NTNG2: variants seen among roughly 807,000 people sequenced by gnomAD.
NTNG2 encodes the protein netrin G2, also known as netrin-G2.
Under a neutral mutation model 47.6 loss-of-function variants are expected in NTNG2, and 15 were observed. The ratio of observed to expected loss-of-function variants is 0.32; its 90% CI spans 0.21 to 0.49. NTNG2 has a LOEUF of 0.49. NTNG2 is among the 20% of genes least tolerant of loss of function. The pLI is 0.99. For synonymous variants in NTNG2, 307 were observed against 324.6 expected (o/e 0.95, Z 0.58); for missense variants, 578 against 764.6 (o/e 0.76, Z 2.88).
intron 2 of NTNG2, among the ~76,000 whole-genome samples, chr9:132,194,284 G>A (rs1372290290): frequency 1.3e-5 from 2 of 152,128 alleles, no homozygotes; most frequent in Admixed American, 1.3e-4. Context: ...CCTCCCGAGC[G>A]GCACAGACAG....
intron 4 of NTNG2, among the ~76,000 whole-genome samples, chr9:132,228,025 C>T (rs1026170467): frequency 1.3e-5 from 2 of 152,218 alleles, no homozygotes; most frequent in African/African-American, 4.8e-5. Context: ...GGTCCCTTCT[C>T]CAGATGAGCA....
intron 2 of NTNG2, among the ~76,000 whole-genome samples, chr9:132,186,856 G>A (rs1454678887): frequency 6.6e-6 from 1 of 152,250 alleles, no homozygotes; most frequent in African/African-American, 2.4e-5. Context: ...GTCATATACC[G>A]CTGTGTGCAA....
In NTNG2 at chr9:132,242,180, T is replaced by A. The variant is rs1044118842; in HGVS notation, c.*69T>A. On this transcript the variant is annotated 3_prime_UTR_variant, in exon 8 of 8. Transcript: ENST00000393229. This position sits in a 1 kb window ranked among gnomAD's most constrained non-coding sequence, Gnocchi z 5.9. ...CCGGGGTCCCGGGGCGGGGCCGGCG[T>A]CCGAGGCCGGGCGGTGAGAAGGGTG... is the stretch of plus-strand genomic sequence containing the variant. 180 of 774,826 alleles carry A rather than the reference T, an allele frequency of 2.3e-4. 2 individuals carry two copies. The African/African-American group carries it at 2.5e-3, about 11-fold the overall frequency. The allele number at this position is 774,826 out of a possible 1,614,324, so 48.0% of individuals were successfully genotyped here.
At chr9:132,222,743 C>T (rs963622761) in intron 3 of NTNG2, among the ~76,000 whole-genome samples, 2 of 152,164 alleles carry the variant, frequency 1.3e-5, no homozygotes, top group South Asian at 2.1e-4. Flanking sequence ...GGAGGAAAGG[C>T]GTCAGCTCAG....
At position 132,215,034 on chromosome 9, in the gene NTNG2, G is replaced by T. The variant is rs1367618515; in HGVS notation, c.858-11815G>T. ...TAAGATGACAGGTGCTCACCACCATGCCCTGATAAATTTTGTGTTTTTTTT... is the reference window on the plus strand; with the variant it reads ...TAAGATGACAGGTGCTCACCACCATTCCCTGATAAATTTTGTGTTTTTTTT... On this transcript the variant is annotated intron_variant, in intron 3 of 7. Coordinates refer to ENST00000393229, the MANE Select transcript of NTNG2 (RefSeq NM_032536.4). This position sits in a 1 kb window ranked among gnomAD's most constrained non-coding sequence, Gnocchi z 4.2. 6.8e-6 allele frequency among the ~76,000 whole-genome samples: 1 copy of T among 147,232 alleles called. No homozygotes were observed. The highest frequency in any genetic ancestry group is 2.5e-5 in the African/African-American group (1 of 39,814).
At chr9:132,166,120 T>A (rs920716214) in intron 1 of NTNG2, 2 of 152,468 alleles carry the variant, frequency 1.3e-5, no homozygotes, top group Non-Finnish European at 2.9e-5. Context: ...CAAGGTCAGC[T>A]GGGCCCCATT....
Position 132,237,947 on chromosome 9 carries a change from A to T in NTNG2, c.1055-1157A>T, listed in dbSNP as rs912783051. 2.6e-5 allele frequency among the ~76,000 whole-genome samples: 4 copies of T among 152,298 alleles called. No individual in the cohort carries two copies. In the Middle Eastern group the frequency reaches 0.01, roughly 389 times the overall value. On this transcript the variant is annotated intron_variant, in intron 5 of 7. Coordinates refer to ENST00000393229, the MANE Select transcript of NTNG2 (RefSeq NM_032536.4). Reference sequence around the variant, plus strand: ...AAGGGGGCAGGACTAGGTGGCCCACAGGTGGGAGTGCCCACCATCTCTCCT... The same window carrying T: ...AAGGGGGCAGGACTAGGTGGCCCACTGGTGGGAGTGCCCACCATCTCTCCT...
intron 2 of NTNG2, among the ~76,000 whole-genome samples, chr9:132,195,111 T>A (rs929134068): frequency 6.6e-6 from 1 of 152,244 alleles, no homozygotes; most frequent in African/African-American, 2.4e-5. Context: ...TTCTCTTTCT[T>A]TCTTTCTTTC....
intron 3 of NTNG2, among the ~76,000 whole-genome samples, chr9:132,216,632 C>T (rs1840015895): frequency 6.6e-6 from 1 of 152,084 alleles, no homozygotes; most frequent in Non-Finnish European, 1.5e-5. Context: ...ATCATCCTTT[C>T]TGATGGATGA....
intron 3 of NTNG2, among the ~76,000 whole-genome samples, chr9:132,217,521 T>C (rs1271991976): frequency 6.6e-6 from 1 of 152,198 alleles, no homozygotes; most frequent in African/African-American, 2.4e-5. Context: ...CTCATTTCCT[T>C]GTCTGTGAAA....
In NTNG2 at chr9:132,231,742, C is replaced by T. The variant is rs554138874; in HGVS notation, c.1054+1147C>T. On this transcript the variant is annotated intron_variant, in intron 5 of 7. Coordinates refer to ENST00000393229, the MANE Select transcript of NTNG2 (RefSeq NM_032536.4). This position sits in a 1 kb window ranked among gnomAD's most constrained non-coding sequence, Gnocchi z 4.1. ...GCCCCTACTACTCCTGTCCCCTCCA[C>T]GTCCACTGCCTGGGCCCCCATGGCG... 1.8e-4 allele frequency: 32 copies of T among 180,178 alleles called. No homozygotes were observed. The highest frequency in any genetic ancestry group is 4.1e-4 in the African/African-American group (17 of 41,742). 11.2% of individuals were successfully genotyped at this position (180,178 alleles called of 1,614,324 possible). A position where few individuals can be genotyped will look rare whatever the true frequency, so the allele number is the denominator to read the frequency against.
chr9:132,227,076 G>T, intron 4 of NTNG2, 55 bp downstream of exon 4: 1 of 1,507,706 alleles, frequency 6.6e-7, no homozygotes, highest in Non-Finnish European at 8.9e-7. Flanking sequence ...TTCCCTGCCC[G>T]TCAATCCCAG....
intron 3 of NTNG2, among the ~76,000 whole-genome samples, chr9:132,206,985 G>A (rs1366371783): frequency 2.0e-5 from 3 of 152,246 alleles, no homozygotes; most frequent in Non-Finnish European, 2.9e-5. Context: ...TGGGTGGGGC[G>A]GAGAGGGCAG....
chr9:132,213,980 C>T (rs1839793240), intron 3 of NTNG2, among the ~76,000 whole-genome samples: 2 of 152,204 alleles, frequency 1.3e-5, no homozygotes, highest in Middle Eastern at 3.2e-3. Flanking sequence ...TCTCCCAGCC[C>T]AGCACCTGCC....
intron 3 of NTNG2, among the ~76,000 whole-genome samples, chr9:132,204,300 A>G (rs1423836621): frequency 6.6e-6 from 1 of 151,974 alleles, no homozygotes; most frequent in South Asian, 2.1e-4. Flanking sequence ...GCCTCCCCCA[A>G]CCTGTTTTTT....
rs532179493 is a variant in NTNG2, at chr9:132,173,609, C to A, written c.213+6565C>A. 5.3e-5 allele frequency among the ~76,000 whole-genome samples: 8 copies of A among 152,176 alleles called. No individual in the cohort carries two copies. The South Asian group carries it at 1.7e-3, about 32-fold the overall frequency. On this transcript the variant is annotated intron_variant, in intron 2 of 7. Transcript: ENST00000393229. ...CTGTGGGTATAATGACAAGCTGCCTCCAATCCCACCTGCGATGGGGCAGGC... is the reference window on the plus strand; with the variant it reads ...CTGTGGGTATAATGACAAGCTGCCTACAATCCCACCTGCGATGGGGCAGGC...
intron 3 of NTNG2, among the ~76,000 whole-genome samples, chr9:132,210,568 C>T (rs1419480586): frequency 6.6e-6 from 1 of 152,212 alleles, no homozygotes; most frequent in East Asian, 1.9e-4. Flanking sequence ...GACTGAGCCC[C>T]ACCCAGTTCT....
Position 132,241,091 on chromosome 9 carries a change from G to A in NTNG2, c.1357+47G>A, listed in dbSNP as rs752330517. Reference sequence around the variant, plus strand: ...TGGGCGGGGCCTGCGGAAAGGGGACGGGGCAGGACCGAGGCAGTGGGCGGG... The same window carrying A: ...TGGGCGGGGCCTGCGGAAAGGGGACAGGGCAGGACCGAGGCAGTGGGCGGG... On this transcript the variant is annotated intron_variant, in intron 7 of 7. Transcript: ENST00000393229. The A allele has an allele frequency of 9.8e-6, 15 of 1,530,884 alleles. No individual in the cohort carries two copies. The South Asian group carries it at 1.5e-4, about 15-fold the overall frequency. 94.8% of individuals were successfully genotyped at this position (1,530,884 alleles called of 1,614,324 possible).
In NTNG2 at chr9:132,184,269, G is replaced by A. The variant is rs182459683; in HGVS notation, c.214-13697G>A. 8.1e-3 allele frequency among the ~76,000 whole-genome samples: 1,228 copies of A among 152,318 alleles called. 17 individuals carry two copies. The highest frequency in any genetic ancestry group is 0.028 in the African/African-American group (1,174 of 41,554). On this transcript the variant is annotated intron_variant, in intron 2 of 7. Coordinates refer to ENST00000393229, the MANE Select transcript of NTNG2 (RefSeq NM_032536.4). Reference sequence around the variant, plus strand: ...CTGGCTGTTCTCAGGGGCAGGCCCCGTCCATCGGGTGCTGTGTCTACTCCT... The same window carrying A: ...CTGGCTGTTCTCAGGGGCAGGCCCCATCCATCGGGTGCTGTGTCTACTCCT...
Sources: gnomAD v4.1 joint callset for allele counts (sites outside exome capture counted in the v4.1 genomes callset) on GRCh38, gnomAD v4.1.1 for gene constraint, Gnocchi (gnomAD v3.1) non-coding constraint, MANE v1.5 for transcripts, NCBI Gene and HGNC (gene_info 2026-07-23, HGNC 2026-07-21) for gene names.